The following NRXN1 variants were observed in gnomAD, a reference collection of about 807,000 sequenced individuals.
NRXN1 encodes the protein neurexin-1.
NRXN1 carries 39 observed loss-of-function variants against 150.9 expected under a neutral mutation model. That is an observed-to-expected ratio of 0.26 (90% confidence interval 0.20 to 0.34). NRXN1 has a LOEUF of 0.34. NRXN1 is among the 10% of genes least tolerant of loss of function. The pLI, the probability that NRXN1 is intolerant of heterozygous loss-of-function variation, is 1.00. For synonymous variants in NRXN1, 924 were observed against 757.0 expected (o/e 1.22, Z -3.62); for missense variants, 1,815 against 1,949.9 (o/e 0.93, Z 1.30).
At chr2:50,149,673 A>C (rs2058583648) in intron 18 of NRXN1, among the ~76,000 whole-genome samples, 1 of 151,704 alleles carries the variant, frequency 6.6e-6, no homozygotes, top group Admixed American at 6.6e-5. Flanking sequence ...GCTATTTGGG[A>C]ATAGAGATTT....
chr2:50,739,815 C>G (rs1001826683), intron 5 of NRXN1, among the ~76,000 whole-genome samples: 1 of 152,096 alleles, frequency 6.6e-6, no homozygotes, highest in Non-Finnish European at 1.5e-5. Context: ...GGCTTAAAAA[C>G]TTAGTACATC....
chr2:50,171,278 TTATA>T (rs143884104), intron 18 of NRXN1, among the ~76,000 whole-genome samples: 6 of 150,856 alleles, frequency 4.0e-5, no homozygotes, highest in Non-Finnish European at 8.9e-5. Context: ...AGAGAGCATT[TTATA>T]TATATATATA....
chr2:51,030,567 CACACAGTGTGGGTGTGCGCACAT>C (rs1671353384), intron 1 of NRXN1, among the ~76,000 whole-genome samples: 1 of 131,512 alleles, frequency 7.6e-6, no homozygotes, highest in South Asian at 2.6e-4. Flanking sequence ...CACACACACA[CACACAGTGTGGGTGTGCGCACAT>C]ACACACTGCC....
chr2:50,431,513 A>C (rs2084961932), intron 17 of NRXN1, among the ~76,000 whole-genome samples: 1 of 152,338 alleles, frequency 6.6e-6, no homozygotes, highest in Admixed American at 6.5e-5. Context: ...TATGGCACAA[A>C]GGCTAAGAAC....
chr2:50,726,777 C>T (rs1697412429), intron 5 of NRXN1, among the ~76,000 whole-genome samples: 1 of 152,024 alleles, frequency 6.6e-6, no homozygotes, highest in Admixed American at 6.6e-5. Context: ...CTACAAGACT[C>T]CAATATAGTC....
chr2:50,889,231 A>T (rs985280257), intron 5 of NRXN1, among the ~76,000 whole-genome samples: 4 of 151,668 alleles, frequency 2.6e-5, no homozygotes, highest in African/African-American at 9.7e-5. Context: ...GCTTATATCA[A>T]ATGTGCCCTC....
intron 5 of NRXN1, among the ~76,000 whole-genome samples, chr2:50,869,449 CA>C (rs941696820): frequency 6.8e-6 from 1 of 147,090 alleles, no homozygotes; most frequent in African/African-American, 2.5e-5. Context: ...AAAAGTAAGT[CA>C]AAAAAATAAA....
chr2:50,818,343 T>G (rs1176636166), intron 5 of NRXN1, among the ~76,000 whole-genome samples: 1 of 151,992 alleles, frequency 6.6e-6, no homozygotes, highest in Non-Finnish European at 1.5e-5. Flanking sequence ...CTGTGTCTTA[T>G]TTAATCAGTA....
chr2:50,089,741 G>T (rs1699300244), intron 19 of NRXN1, among the ~76,000 whole-genome samples: 1 of 151,060 alleles, frequency 6.6e-6, no homozygotes, highest in Non-Finnish European at 1.5e-5. Flanking sequence ...AGTGAGCTAT[G>T]ACTGCCACTA....
chr2:50,971,490 G>A (rs1225397473), intron 2 of NRXN1, among the ~76,000 whole-genome samples: 2 of 152,084 alleles, frequency 1.3e-5, no homozygotes, highest in Non-Finnish European at 2.9e-5. Context: ...GGCTGAGGCA[G>A]GAGAATCACT....
intron 5 of NRXN1, among the ~76,000 whole-genome samples, chr2:50,627,586 G>C (rs1310907986): frequency 2.8e-5 from 4 of 144,506 alleles, no homozygotes; most frequent in African/African-American, 5.1e-5. Context: ...ATTTAGAGAG[G>C]CAATCTATGA....
intron 21 of NRXN1, among the ~76,000 whole-genome samples, chr2:50,016,020 G>A (rs1020127712): frequency 6.6e-6 from 1 of 152,240 alleles, no homozygotes; most frequent in South Asian, 2.1e-4. Flanking sequence ...ATTGTGAAGT[G>A]CAGTTTAGTT....
chr2:50,828,839 G>A (rs1186309244), intron 5 of NRXN1, among the ~76,000 whole-genome samples: 2 of 152,210 alleles, frequency 1.3e-5, no homozygotes, highest in Admixed American at 1.3e-4. Flanking sequence ...CGGCCAGGCA[G>A]AGGCTGCACT....
intron 5 of NRXN1, among the ~76,000 whole-genome samples, chr2:50,785,178 C>A (rs1009859105): frequency 1.1e-4 from 17 of 151,752 alleles, no homozygotes; most frequent in African/African-American, 4.1e-4. Flanking sequence ...AGCGGCCTAG[C>A]CAGAAACTGA....
chr2:50,471,711 CAG>C (rs1488886237), intron 16 of NRXN1, among the ~76,000 whole-genome samples: 1 of 151,686 alleles, frequency 6.6e-6, no homozygotes, highest in African/African-American at 2.4e-5. Context: ...AGGGGATCAA[CAG>C]ACACTGGGGC....
At chr2:50,497,253 T>C (rs535442339) in intron 14 of NRXN1, 80 bp downstream of exon 14, 2 of 1,132,428 alleles carry the variant, frequency 1.8e-6, no homozygotes, top group Admixed American at 5.1e-5. Context: ...CAGTATGTTC[T>C]TCTTAGTGTA....
chr2:50,846,803 A>C (rs566371346), intron 5 of NRXN1, among the ~76,000 whole-genome samples: 16 of 152,336 alleles, frequency 1.1e-4, no homozygotes, highest in African/African-American at 3.8e-4. Flanking sequence ...CCAAGCCCCT[A>C]TAACAAAAGA....
At chr2:50,743,410 T>A (rs1435919135) in intron 5 of NRXN1, among the ~76,000 whole-genome samples, 1 of 152,212 alleles carries the variant, frequency 6.6e-6, no homozygotes, top group Non-Finnish European at 1.5e-5. Context: ...TGTCAGAAAA[T>A]ATTTCAAATG....
chr2:50,844,287 G>T lies in NRXN1; in HGVS notation c.832+77582C>A, dbSNP rs78391952. ...TCACCTAAGTTTCATTATCCCCCTT[G>T]TAAGGTTATACCCTGCTCCACTTCT... On this transcript the variant is annotated intron_variant, in intron 5 of 22. Transcript: ENST00000401669. Among the ~76,000 whole-genome samples, 5 of 152,126 alleles carry T rather than the reference G, an allele frequency of 3.3e-5. No homozygotes were observed. In the East Asian group the frequency reaches 9.7e-4, roughly 29 times the overall value.
Sources: allele counts gnomAD v4.1 joint callset (sites outside exome capture counted in the v4.1 genomes callset), GRCh38; gene constraint gnomAD v4.1.1; transcripts MANE v1.5; gene names NCBI Gene and HGNC (gene_info 2026-07-23, HGNC 2026-07-21).